Variants in MTCH1 observed in about 807,000 individuals in gnomAD.
The protein encoded by MTCH1 is mitochondrial carrier homolog 1.
In MTCH1, 23 loss-of-function variants were observed where a neutral mutation model predicts 49.3. The observed-to-expected ratio is 0.47, with a 90% confidence interval of 0.34 to 0.66. The LOEUF is 0.66. Among genes scored for constraint, MTCH1 ranks in the 30% least tolerant of loss-of-function variants. The pLI, the probability that MTCH1 is intolerant of heterozygous loss-of-function variation, is 0.01. For missense variants in MTCH1, 397 were observed against 532.1 expected, an observed-to-expected ratio of 0.75 and a Z score of 2.50; for synonymous variants, 229 against 215.2, an observed-to-expected ratio of 1.06 and a Z score of -0.56.
chr6:36,971,695 C>CCA (rs926640561), intron 8 of MTCH1, among the ~76,000 whole-genome samples: 12 of 151,870 alleles, frequency 7.9e-5, no homozygotes, highest in South Asian at 2.1e-4. Context: ...CAGACATGTA[C>CCA]CACACACACA....
At position 36,973,486 on chromosome 6, in the gene MTCH1, TA is replaced by T. The variant is rs558142503; in HGVS notation, c.762-691del. On this transcript the variant is annotated intron_variant, in intron 7 of 11. Coordinates refer to ENST00000373627, the MANE Select transcript of MTCH1 (RefSeq NM_001271641.2). ...AGAAGCAGAATTTTTGTTTTTGAAT[TA>T]AAAAAAAAAATCTTATATTTGAAAA... 2.6e-3 allele frequency among the ~76,000 whole-genome samples: 382 copies of T among 148,068 alleles called. 1 individual carries two copies. The highest frequency in any genetic ancestry group is 8.5e-3 in the African/African-American group (345 of 40,614).
rs1763928027 is a variant in MTCH1, at chr6:36,977,564, G to A, written c.649+70C>T. The A allele has an allele frequency of 1.8e-6, 2 of 1,089,948 alleles. No homozygotes were observed. Among genetic ancestry groups the A allele is most frequent in the African/African-American group, 1.5e-5 (1 of 64,690 alleles). 67.5% of individuals were successfully genotyped at this position (1,089,948 alleles called of 1,614,324 possible). ...ACGGCTGTCTATGTACAGTCCACGAGGGGGCGCCCCTCACCCCACGCCCCC... is the reference window on the plus strand; with the variant it reads ...ACGGCTGTCTATGTACAGTCCACGAAGGGGCGCCCCTCACCCCACGCCCCC... On this transcript the variant is annotated intron_variant, in intron 5 of 11. Transcript: ENST00000373627. The surrounding 1 kb of genome is among the most constrained non-coding windows in gnomAD (Gnocchi z 5.4).
At chr6:36,981,477 C>T (rs760476375) in intron 2 of MTCH1, 111 bp downstream of exon 2, 14 of 955,570 alleles carry the variant, frequency 1.5e-5, no homozygotes, top group African/African-American at 3.3e-5. Context: ...CATGCCAGCT[C>T]GACTGCGTGC....
chr6:36,984,311 C>T (rs146972520), intron 1 of MTCH1, among the ~76,000 whole-genome samples: 100 of 152,296 alleles, frequency 6.6e-4, no homozygotes, highest in Middle Eastern at 3.4e-3. Context: ...AAATGCCAGT[C>T]TGGTCTACAC....
Position 36,968,630 on chromosome 6 carries a change from A to T in MTCH1, c.*273T>A, listed in dbSNP as rs1763561572. On this transcript the variant is annotated 3_prime_UTR_variant, in exon 12 of 12. Transcript: ENST00000373627. ...TTCTCTGGCCCTCTGCACAAGACAG[A>T]CTCAGCAAATCTGCGAGGTATGGGG... is the stretch of plus-strand genomic sequence containing the variant. 3.9e-6 allele frequency: 2 copies of T among 515,212 alleles called. No individual in the cohort carries two copies. The highest frequency in any genetic ancestry group is 7.6e-6 in the Non-Finnish European group (2 of 263,344). The allele number at this position is 515,212 out of a possible 1,614,324, so 31.9% of individuals were successfully genotyped here. A position where few individuals can be genotyped will look rare whatever the true frequency, so the allele number is the denominator to read the frequency against.
At chr6:36,978,388 T>A in intron 3 of MTCH1, 117 bp downstream of exon 3, 1 of 1,075,134 alleles carries the variant, frequency 9.3e-7, no homozygotes, top group Non-Finnish European at 1.4e-6. Context: ...GGGGCTGGAG[T>A]GAAGCCCCCA....
rs1267042953 is a variant in MTCH1, at chr6:36,977,542, G to C, written c.649+92C>G. 1.2e-6 allele frequency: 1 copy of C among 865,450 alleles called. No individual in the cohort carries two copies. The highest frequency in any genetic ancestry group is 1.7e-5 in the African/African-American group (1 of 59,832). 53.6% of individuals were successfully genotyped at this position (865,450 alleles called of 1,614,324 possible). A position where few individuals can be genotyped will look rare whatever the true frequency, so the allele number is the denominator to read the frequency against. ...ACTACCACTTCCCAACAGGTCTACG[G>C]CTGTCTATGTACAGTCCACGAGGGG... On this transcript the variant is annotated intron_variant, in intron 5 of 11. Coordinates refer to ENST00000373627, the MANE Select transcript of MTCH1 (RefSeq NM_001271641.2). This position sits in a 1 kb window ranked among gnomAD's most constrained non-coding sequence, Gnocchi z 5.4.
intron 1 of MTCH1, among the ~76,000 whole-genome samples, chr6:36,983,741 A>T (rs1764191151): frequency 6.6e-6 from 1 of 152,162 alleles, no homozygotes; most frequent in Non-Finnish European, 1.5e-5. Context: ...AAGGCACTGC[A>T]TTCTTACGCA....
rs548724756 is a variant in MTCH1 at position 36,970,168 on chromosome 6, G to A, written c.1023-54C>T. On this transcript the variant is annotated intron_variant, in intron 10 of 11. Transcript: ENST00000373627. ...AGAACAGTGGAAGACAGCCAGCCACGGGAAAGCCACTTCAAGAAGGAATGC... is the reference window on the plus strand; with the variant it reads ...AGAACAGTGGAAGACAGCCAGCCACAGGAAAGCCACTTCAAGAAGGAATGC... 77 of 1,582,634 alleles carry A rather than the reference G, an allele frequency of 4.9e-5. No individual in the cohort carries two copies. In the African/African-American group the frequency reaches 8.0e-4, roughly 16 times the overall value.
At chr6:36,985,233 G>C (rs1764254041) in intron 1 of MTCH1, among the ~76,000 whole-genome samples, 1 of 152,090 alleles carries the variant, frequency 6.6e-6, no homozygotes, top group East Asian at 1.9e-4. Flanking sequence ...TGCAACCCAA[G>C]ACCTCCGTCT....
Position 36,970,086 on chromosome 6 carries a change from G to A in MTCH1, c.1051C>T (p.Pro351Ser), listed in dbSNP as rs781477169. Reference sequence around the variant, plus strand: ...CAGTGAATCCAGGATTTGAACACTGGGGAGTAAGGGGGGAGCCCAGCTTGC... The same window carrying A: ...CAGTGAATCCAGGATTTGAACACTGAGGAGTAAGGGGGGAGCCCAGCTTGC... Reference protein sequence around the residue: ...GLQAGLPPYSPVFKSWIHCWK... With the variant: ...GLQAGLPPYSSVFKSWIHCWK... Residue 351 changes from proline to serine, a missense_variant, in exon 11 of 12, where the codon CCA becomes TCA. By Grantham distance (74) the Pro-to-Ser change is moderately conservative. Around this residue, in one of 2 missense-constraint regions of MTCH1, gnomAD observed 252 missense variants for 388.3 expected, o/e 0.65. Transcript: ENST00000373627. 1 of 1,614,050 alleles carries A rather than the reference G, an allele frequency of 6.2e-7. No homozygotes were observed. Among genetic ancestry groups the A allele is most frequent in the African/African-American group, 1.3e-5 (1 of 74,930 alleles).
chr6:36,968,826 G>A lies in MTCH1; in HGVS notation c.*77C>T, dbSNP rs761239610. The A allele has an allele frequency of 6.9e-6, 11 of 1,602,014 alleles. No homozygotes were observed. Among genetic ancestry groups the A allele is most frequent in the South Asian group, 3.3e-5 (3 of 90,448 alleles). ...ATCTGGTTGTTGTTGGGTTGGAGTC[G>A]TCTTGCAGGTGTCCCAAGGTGGTCA... is the stretch of plus-strand genomic sequence containing the variant. On this transcript the variant is annotated 3_prime_UTR_variant, in exon 12 of 12. Coordinates refer to ENST00000373627, the MANE Select transcript of MTCH1 (RefSeq NM_001271641.2).
chr6:36,971,061 G>A, intron 8 of MTCH1: 1 of 330,726 alleles, frequency 3.0e-6, no homozygotes, highest in Admixed American at 3.9e-5. Context: ...CCTGGCCTGT[G>A]GGGTGAGGTG....
chr6:36,984,673 C>T (rs989036368), intron 1 of MTCH1, among the ~76,000 whole-genome samples: 5 of 152,062 alleles, frequency 3.3e-5, no homozygotes, highest in Non-Finnish European at 5.9e-5. Context: ...ATCCCAGCCA[C>T]ACCCACCTAA....
chr6:36,984,009 C>G (rs1764202099), intron 1 of MTCH1, among the ~76,000 whole-genome samples: 1 of 152,144 alleles, frequency 6.6e-6, no homozygotes, highest in Non-Finnish European at 1.5e-5. Context: ...CCATTCCCTT[C>G]CCAAACCACC....
In MTCH1 at chr6:36,968,456, G is replaced by C. The variant is rs1211027065; in HGVS notation, c.*447C>G. ...TAGGCCTAGACATGATGGTGGCCAC[G>C]TGCCAGGGGACCACACCCTATGTAC... On this transcript the variant is annotated 3_prime_UTR_variant, in exon 12 of 12. Coordinates refer to ENST00000373627, the MANE Select transcript of MTCH1 (RefSeq NM_001271641.2). 1 of 331,682 alleles carries C rather than the reference G, an allele frequency of 3.0e-6. No homozygotes were observed. Among genetic ancestry groups the C allele is most frequent in the Non-Finnish European group, 6.0e-6 (1 of 167,516 alleles). The allele number at this position is 331,682 out of a possible 1,614,324, so 20.5% of individuals were successfully genotyped here. A position where few individuals can be genotyped will look rare whatever the true frequency, so the allele number is the denominator to read the frequency against.
chr6:36,975,463 C>T (rs1185691694), intron 7 of MTCH1, among the ~76,000 whole-genome samples, 195 bp downstream of exon 7: 1 of 152,244 alleles, frequency 6.6e-6, no homozygotes, highest in Non-Finnish European at 1.5e-5. Flanking sequence ...TCCACTTTTA[C>T]ATGAGCCATG....
At chr6:36,980,789 A>G (rs1315203448) in intron 2 of MTCH1, among the ~76,000 whole-genome samples, 1 of 152,236 alleles carries the variant, frequency 6.6e-6, no homozygotes, top group African/African-American at 2.4e-5. Flanking sequence ...AAAAGGGCAC[A>G]TTTAAAGAAG....
chr6:36,977,290 G>A lies in MTCH1; in HGVS notation c.650-40C>T, dbSNP rs1392977723. 6.2e-7 allele frequency: 1 copy of A among 1,606,766 alleles called. No individual in the cohort carries two copies. The highest frequency in any genetic ancestry group is 2.2e-5 in the East Asian group (1 of 44,842). ...GAAAACACACACAGGTGATGTGGTG[G>A]GCCACACTTCATAATGCTCCAGCCA... On this transcript the variant is annotated intron_variant, in intron 5 of 11. Coordinates refer to ENST00000373627, the MANE Select transcript of MTCH1 (RefSeq NM_001271641.2). The surrounding 1 kb of genome is among the most constrained non-coding windows in gnomAD (Gnocchi z 5.4).
Sources: gnomAD v4.1 joint callset for allele counts (sites outside exome capture counted in the v4.1 genomes callset) on GRCh38, gnomAD v4.1.1 for gene constraint, gnomAD v4.1.1 regional missense constraint, Gnocchi (gnomAD v3.1) non-coding constraint, MANE v1.5 for transcripts, NCBI Gene and HGNC (gene_info 2026-07-23, HGNC 2026-07-21) for gene names.